Variants in FMC1 observed in about 807,000 individuals in gnomAD.
FMC1 encodes the protein formation of mitochondrial complex V assembly factor 1.
FMC1 carries 6 observed loss-of-function variants against 10.5 expected under a neutral mutation model. That is an observed-to-expected ratio of 0.57 (90% confidence interval 0.31 to 1.12). The LOEUF (loss-of-function observed/expected upper bound fraction) is 1.12, where lower values mean the gene tolerates loss of function less well. Among genes scored for constraint, FMC1 ranks in the 50% most tolerant of loss-of-function variants. The probability of loss-of-function intolerance (pLI) is 0.05; values close to 1 mark genes in which losing one functional copy is unlikely to be tolerated. For missense variants in FMC1, 146 were observed against 151.7 expected, an observed-to-expected ratio of 0.96 and a Z score of 0.20; for synonymous variants, 59 against 62.1, an observed-to-expected ratio of 0.95 and a Z score of 0.24.
upstream of FMC1, chr7:139,340,632 T>A: frequency 2.5e-6 from 1 of 396,760 alleles, no homozygotes; most frequent in Non-Finnish European, 4.4e-6. Flanking sequence ...AAGGCGAAAA[T>A]GAAGTGACGA....
upstream of FMC1, chr7:139,341,123 C>G (rs1167808353): frequency 7.4e-6 from 3 of 403,162 alleles, no homozygotes; most frequent in East Asian, 1.4e-4. Flanking sequence ...AGAAAAGCCC[C>G]TGTTTCCCCA....
chr7:139,345,845 CATTTCAT>C lies in FMC1; in HGVS notation c.*142_*148del. On this transcript the variant is annotated 3_prime_UTR_variant, in exon 2 of 2. Coordinates refer to ENST00000297534, the MANE Select transcript of FMC1 (RefSeq NM_197964.5). ...CTAGTTCTTAGGGGAATTAACTGGA[CATTTCAT>C]CTTTACTCTCAGTGAATTTACTGAA... The C allele has an allele frequency of 1.1e-6, 1 of 904,432 alleles. No homozygotes were observed. 56.0% of individuals were successfully genotyped at this position (904,432 alleles called of 1,614,324 possible). A position where few individuals can be genotyped will look rare whatever the true frequency, so the allele number is the denominator to read the frequency against.
rs950559444 is a variant in FMC1, at chr7:139,345,636, G to A, written c.274G>A (p.Glu92Lys). 1.2e-6 allele frequency: 2 copies of A among 1,614,214 alleles called. No homozygotes were observed. Among genetic ancestry groups the A allele is most frequent in the South Asian group, 1.1e-5 (1 of 91,084 alleles). The part of the protein sequence containing the change: ...EFHGKGERSV[E>K]ESAGLVGLKL... ...TCATGGCAAGGGTGAGCGCTCGGTGGAGGAGTCTGCTGGCTTGGTGGGTCT... is the reference window on the plus strand; with the variant it reads ...TCATGGCAAGGGTGAGCGCTCGGTGAAGGAGTCTGCTGGCTTGGTGGGTCT... The change falls in exon 2 of 2, where the codon GAG (glutamate) becomes AAG (lysine). Residue 92 changes from glutamate to lysine, a missense_variant. Transcript: ENST00000297534.
upstream of FMC1, chr7:139,340,630 A>G (rs1403752095): frequency 1.3e-5 from 5 of 396,702 alleles, no homozygotes; most frequent in African/African-American, 4.1e-5. Flanking sequence ...GTAAGGCGAA[A>G]ATGAAGTGAC....
At chr7:139,343,654 G>A (rs2131140130) in intron 1 of FMC1, among the ~76,000 whole-genome samples, 1 of 152,270 alleles carries the variant, frequency 6.6e-6, no homozygotes, top group Non-Finnish European at 1.5e-5. Context: ...AGGGGATTAG[G>A]CCAGGAGCGG....
At chr7:139,341,716 CG>C (rs372855450) in intron 1 of FMC1, among the ~76,000 whole-genome samples, 194 bp downstream of exon 1, 3,134 of 150,346 alleles carry the variant, frequency 0.021, 35 homozygotes, top group South Asian at 0.053. Context: ...AAAGGACCAG[CG>C]GGGGGGGGCG....
intron 1 of FMC1, among the ~76,000 whole-genome samples, 168 bp from the exon 2 acceptor site, chr7:139,345,333 C>G (rs1223846167): frequency 6.6e-6 from 1 of 152,176 alleles, no homozygotes; most frequent in Non-Finnish European, 1.5e-5. Flanking sequence ...TTACTAATAA[C>G]TATAGAGTGC....
At chr7:139,341,305 C>T, upstream of FMC1, 1 of 1,535,188 alleles carries the variant, frequency 6.5e-7, no homozygotes, top group Non-Finnish European at 8.8e-7. Context: ...CCGACCGTAC[C>T]ATTAGGCGCC....
At chr7:139,341,589 G>A in intron 1 of FMC1, 67 bp downstream of exon 1, 1 of 1,573,470 alleles carries the variant, frequency 6.4e-7, no homozygotes, top group Non-Finnish European at 8.6e-7. Flanking sequence ...CTGGGCTAGG[G>A]TGGGGAGCAC....
At chr7:139,341,795 C>T (rs1363808145) in intron 1 of FMC1, among the ~76,000 whole-genome samples, 1 of 152,164 alleles carries the variant, frequency 6.6e-6, no homozygotes, top group Non-Finnish European at 1.5e-5. Flanking sequence ...ATTTCATTGG[C>T]TGGTCTGTTG....
intron 1 of FMC1, among the ~76,000 whole-genome samples, chr7:139,344,254 C>T (rs1799148733): frequency 6.6e-6 from 1 of 152,134 alleles, no homozygotes; most frequent in Admixed American, 6.6e-5. Flanking sequence ...AATAGCCATT[C>T]CTCAGTAACT....
intron 1 of FMC1, among the ~76,000 whole-genome samples, chr7:139,343,286 A>T (rs1484493939): frequency 6.6e-6 from 1 of 152,244 alleles, no homozygotes; most frequent in African/African-American, 2.4e-5. Flanking sequence ...TAAAAAGTTA[A>T]ATTTGTATTA....
At position 139,341,398 on chromosome 7, in the gene FMC1, G is replaced by T; in HGVS notation, c.14G>T (p.Gly5Val). 1 of 1,613,142 alleles carries T rather than the reference G, an allele frequency of 6.2e-7. No individual in the cohort carries two copies. The highest frequency in any genetic ancestry group is 8.5e-7 in the Non-Finnish European group (1 of 1,179,834). Residue 5 changes from glycine to valine, a missense_variant, in exon 1 of 2, where the codon GGG (glycine) becomes GTG (valine). By Grantham distance (109) the Gly-to-Val change is moderately radical. Transcript: ENST00000297534. MAAL[G>V]SPSHTFRGLL... is the part of the protein sequence containing the mutation. ...AAGGACAGGACAATGGCGGCCTTAG[G>T]GTCCCCGTCGCACACTTTTCGAGGA... is the stretch of plus-strand genomic sequence containing the variant.
chr7:139,341,630 C>G, intron 1 of FMC1, 108 bp downstream of exon 1: 1 of 1,499,396 alleles, frequency 6.7e-7, no homozygotes, highest in Non-Finnish European at 8.9e-7. Context: ...CTGAGGCCAA[C>G]CCTCCCACGG....
At chr7:139,345,382 T>A in intron 1 of FMC1, 119 bp from the exon 2 acceptor site, 1 of 1,409,370 alleles carries the variant, frequency 7.1e-7, no homozygotes, top group Non-Finnish European at 9.5e-7. Context: ...TATACATACA[T>A]GTCTGTATTT....
Position 139,341,427 on chromosome 7 carries a change from C to G in FMC1, c.43C>G (p.Leu15Val). The change falls in exon 1 of 2, where the codon CTG becomes GTG. Residue 15 changes from leucine to valine, a missense_variant. Transcript: ENST00000297534. ...GSPSHTFRGL[L>V]RELRYLSAAT... ...CCCGTCGCACACTTTTCGAGGACTT[C>G]TGCGGGAGTTGCGCTACCTGAGCGC... 1.2e-6 allele frequency: 2 copies of G among 1,613,602 alleles called. No individual in the cohort carries two copies. The highest frequency in any genetic ancestry group is 1.7e-6 in the Non-Finnish European group (2 of 1,180,002).
At position 139,346,055 on chromosome 7, in the gene FMC1, T is replaced by C; in HGVS notation, c.*351T>C. Reference sequence around the variant, plus strand: ...GAGTTCGCGACCAGCCTGACCAACATGGAAAAACCCCGTCTCTACTAAAAA... The same window carrying C: ...GAGTTCGCGACCAGCCTGACCAACACGGAAAAACCCCGTCTCTACTAAAAA... On this transcript the variant is annotated 3_prime_UTR_variant, in exon 2 of 2. Transcript: ENST00000297534. 6.1e-6 allele frequency: 1 copy of C among 162,690 alleles called. No homozygotes were observed. The highest frequency in any genetic ancestry group is 1.3e-5 in the Non-Finnish European group (1 of 75,028). 10.1% of individuals were successfully genotyped at this position (162,690 alleles called of 1,614,324 possible). A position where few individuals can be genotyped will look rare whatever the true frequency, so the allele number is the denominator to read the frequency against.
intron 1 of FMC1, 41 bp downstream of exon 1, chr7:139,341,563 G>A (rs1421265928): frequency 1.9e-6 from 3 of 1,597,252 alleles, no homozygotes; most frequent in African/African-American, 2.7e-5. Flanking sequence ...TGCTGGGGAG[G>A]GAGGAAGAGC....
At chr7:139,340,698 A>G (rs919915436), upstream of FMC1, 5 of 391,958 alleles carry the variant, frequency 1.3e-5, no homozygotes, top group East Asian at 1.1e-4. Context: ...TCGTTTGCAG[A>G]AGCCCCAGTG....
Sources: gnomAD v4.1 joint callset for allele counts (sites outside exome capture counted in the v4.1 genomes callset) on GRCh38, gnomAD v4.1.1 for gene constraint, MANE v1.5 for transcripts, NCBI Gene and HGNC (gene_info 2026-07-23, HGNC 2026-07-21) for gene names.